FEM1C: variants seen among roughly 807,000 people sequenced by gnomAD.
FEM1C encodes protein fem-1 homolog C.
In FEM1C, 15 loss-of-function variants were observed where a neutral mutation model predicts 37.6. The observed-to-expected ratio is 0.40, with a 90% confidence interval of 0.27 to 0.61. The LOEUF is 0.61. Ranked by LOEUF, FEM1C falls within the 20% of genes least tolerant of loss-of-function variation. The probability of loss-of-function intolerance (pLI) is 0.42; values close to 1 mark genes in which losing one functional copy is unlikely to be tolerated. For missense variants in FEM1C, 532 were observed against 749.7 expected (o/e 0.71, Z 3.39); for synonymous variants, 287 against 272.8 (o/e 1.05, Z -0.51).
intron 2 of FEM1C, among the ~76,000 whole-genome samples, chr5:115,541,785 A>G (rs1754246636): frequency 6.6e-6 from 1 of 152,158 alleles, no homozygotes; most frequent in African/African-American, 2.4e-5. Flanking sequence ...ATAAATAAAG[A>G]TAAAAAAGTA....
In FEM1C at chr5:115,542,772, C is replaced by A. The variant is rs374783016; in HGVS notation, c.544+178G>T. ...AGAGTAACAGAAGTCTTTTATCACA[C>A]TTTTTCAATCTATTACCAAACATCA... On this transcript the variant is annotated intron_variant, in intron 2 of 2. Transcript: ENST00000274457. Among the ~76,000 whole-genome samples the A allele has an allele frequency of 4.1e-4, 62 of 152,298 alleles. No individual in the cohort carries two copies. The South Asian group carries it at 6.6e-3, about 16-fold the overall frequency.
intron 2 of FEM1C, among the ~76,000 whole-genome samples, chr5:115,526,267 T>C (rs1753889575): frequency 6.6e-6 from 1 of 152,196 alleles, no homozygotes; most frequent in African/African-American, 2.4e-5. Flanking sequence ...TTCAACTGTC[T>C]TAGCCAAAAT....
intron 2 of FEM1C, among the ~76,000 whole-genome samples, chr5:115,536,566 G>A (rs1442832011): frequency 6.6e-6 from 1 of 151,636 alleles, no homozygotes; most frequent in African/African-American, 2.4e-5. Context: ...GGTAAGAAGG[G>A]ATAAAGGGAA....
At chr5:115,528,828 T>C (rs1429863849) in intron 2 of FEM1C, among the ~76,000 whole-genome samples, 1 of 152,124 alleles carries the variant, frequency 6.6e-6, no homozygotes, top group Non-Finnish European at 1.5e-5. Context: ...ATAATAACTA[T>C]GCTTAGCATA....
chr5:115,530,713 A>G (rs1338829596), intron 2 of FEM1C, among the ~76,000 whole-genome samples: 1 of 152,140 alleles, frequency 6.6e-6, no homozygotes, highest in Non-Finnish European at 1.5e-5. Flanking sequence ...TCCAAAACAA[A>G]AAGATAACTA....
At position 115,521,376 on chromosome 5, in the gene FEM1C, C is replaced by G. The variant is rs1753770705; in HGVS notation, c.*2932G>C. On this transcript the variant is annotated 3_prime_UTR_variant, in exon 3 of 3. Transcript: ENST00000274457. ...AATAGTAGACTGGGGTCTCTATACA[C>G]ATTAAGGTAGTCACTTTACAAGTGA... is the stretch of plus-strand genomic sequence containing the variant. 1 of 151,744 alleles carries G rather than the reference C, an allele frequency of 6.6e-6. No individual in the cohort carries two copies. The highest frequency in any genetic ancestry group is 1.5e-5 in the Non-Finnish European group (1 of 67,770). 9.4% of individuals were successfully genotyped at this position (151,744 alleles called of 1,614,324 possible). A position where few individuals can be genotyped will look rare whatever the true frequency, so the allele number is the denominator to read the frequency against.
chr5:115,541,343 A>G (rs1193128129), intron 2 of FEM1C, among the ~76,000 whole-genome samples: 3 of 152,134 alleles, frequency 2.0e-5, no homozygotes, highest in Non-Finnish European at 4.4e-5. Context: ...CTGGAAAAAA[A>G]AATTCAGAAA....
chr5:115,536,038 C>T (rs547819386), intron 2 of FEM1C, among the ~76,000 whole-genome samples: 97 of 151,974 alleles, frequency 6.4e-4, no homozygotes, highest in Non-Finnish European at 1.0e-3. Context: ...AAAGAGATTA[C>T]TGGTTGCCTA....
rs1277796263 is a variant in FEM1C, at chr5:115,522,026, T to C, written c.*2282A>G. ...ATTTTTACTGGTGCAAAAATGCTATTTAAAGAAATCCTTACTTTACACAGG... is the reference window on the plus strand; with the variant it reads ...ATTTTTACTGGTGCAAAAATGCTATCTAAAGAAATCCTTACTTTACACAGG... On this transcript the variant is annotated 3_prime_UTR_variant, in exon 3 of 3. Coordinates refer to ENST00000274457, the MANE Select transcript of FEM1C (RefSeq NM_020177.3). 2 of 151,854 alleles carry C rather than the reference T, an allele frequency of 1.3e-5. No homozygotes were observed. Among genetic ancestry groups the C allele is most frequent in the Non-Finnish European group, 2.9e-5 (2 of 67,800 alleles). The allele number at this position is 151,854 out of a possible 1,614,324, so 9.4% of individuals were successfully genotyped here. A position where few individuals can be genotyped will look rare whatever the true frequency, so the allele number is the denominator to read the frequency against.
chr5:115,541,365 TCTTGTATCATTTTTATAAAAGATCACA>T (rs557856356), intron 2 of FEM1C, among the ~76,000 whole-genome samples: 128 of 152,272 alleles, frequency 8.4e-4, no homozygotes, highest in African/African-American at 2.8e-3. Context: ...ATCACAATGA[TCTTGTATCATTTTTATAAAAGATCACA>T]CTTGTATCAT....
intron 2 of FEM1C, among the ~76,000 whole-genome samples, chr5:115,533,321 T>C (rs752462614): frequency 1.3e-5 from 2 of 152,084 alleles, no homozygotes; most frequent in Non-Finnish European, 2.9e-5. Flanking sequence ...GCTTTCTATG[T>C]ATAAGCACTT....
intron 2 of FEM1C, among the ~76,000 whole-genome samples, chr5:115,536,708 A>G (rs1754136501): frequency 6.6e-6 from 1 of 152,032 alleles, no homozygotes; most frequent in Non-Finnish European, 1.5e-5. Flanking sequence ...ATTAAAAAAA[A>G]GAAGATAAAT....
In FEM1C at chr5:115,543,467, G is replaced by C. The variant is rs769844540; in HGVS notation, c.27C>G (p.Asn9Lys). 6.2e-7 allele frequency: 1 copy of C among 1,612,572 alleles called. No individual in the cohort carries two copies. Among genetic ancestry groups the C allele is most frequent in the Non-Finnish European group, 8.5e-7 (1 of 1,179,586 alleles). The change falls in exon 2 of 3, where the codon AAC becomes AAG. Residue 9 changes from asparagine to lysine, a missense_variant. By Grantham distance (94) the Asn-to-Lys change is moderately conservative (BLOSUM62 0). Transcript: ENST00000274457. MDLKTAVF[N>K]AARDGKLRLL... is the part of the protein sequence containing the mutation. The stretch of plus-strand genomic sequence containing the variant: ...GCCGGAGTTTGCCATCCCGAGCTGC[G>C]TTAAATACTGCTGTCTTTAGATCCA...
chr5:115,530,787 A>G (rs1007430729), intron 2 of FEM1C, among the ~76,000 whole-genome samples: 2 of 152,138 alleles, frequency 1.3e-5, no homozygotes, highest in African/African-American at 2.4e-5. Context: ...AGCAAGCCCA[A>G]TGAAAATCAG....
At chr5:115,541,813 C>A (rs970481633) in intron 2 of FEM1C, among the ~76,000 whole-genome samples, 1 of 152,072 alleles carries the variant, frequency 6.6e-6, no homozygotes, top group Non-Finnish European at 1.5e-5. Context: ...AACCACTAGA[C>A]GGAGGGCTAC....
chr5:115,535,158 C>A (rs1754098429), intron 2 of FEM1C, among the ~76,000 whole-genome samples: 1 of 151,604 alleles, frequency 6.6e-6, no homozygotes, highest in Non-Finnish European at 1.5e-5. Context: ...TCAGTAAATT[C>A]TGCAGTCTAT....
chr5:115,533,546 A>C (rs1754060077), intron 2 of FEM1C, among the ~76,000 whole-genome samples: 1 of 152,014 alleles, frequency 6.6e-6, no homozygotes, highest in Non-Finnish European at 1.5e-5. Flanking sequence ...GCTAGTTAAC[A>C]TAATTGATTT....
At chr5:115,527,898 G>A (rs1369752382) in intron 2 of FEM1C, among the ~76,000 whole-genome samples, 1 of 151,748 alleles carries the variant, frequency 6.6e-6, no homozygotes, top group East Asian at 1.9e-4. Flanking sequence ...CTACTTGGGA[G>A]GCTGAGGCAG....
chr5:115,527,127 C>A (rs1753911192), intron 2 of FEM1C, among the ~76,000 whole-genome samples: 1 of 152,070 alleles, frequency 6.6e-6, no homozygotes, highest in Admixed American at 6.5e-5. Context: ...TGCGGCTTTA[C>A]CCCTCATAAT....
Sources: gnomAD v4.1 joint callset for allele counts (sites outside exome capture counted in the v4.1 genomes callset) on GRCh38, gnomAD v4.1.1 for gene constraint, MANE v1.5 for transcripts, NCBI Gene and HGNC (gene_info 2026-07-23, HGNC 2026-07-21) for gene names.